Variants in PRLR observed in about 807,000 individuals in gnomAD.
PRLR encodes prolactin receptor, also known as hPRL receptor.
Under a neutral mutation model 40.2 loss-of-function variants are expected in PRLR, and 13 were observed. That is an observed-to-expected ratio of 0.32 (90% CI 0.21 to 0.51). PRLR has a LOEUF of 0.51. Among genes scored for constraint, PRLR ranks in the 20% least tolerant of loss-of-function variants. PRLR has a pLI of 0.97. For missense variants in PRLR, 656 were observed against 747.3 expected (o/e 0.88, Z 1.42); for synonymous variants, 269 against 278.7 (o/e 0.97, Z 0.35).
rs1426749352 is a variant in PRLR at position 35,068,289 on chromosome 5, T to C, written c.786-4A>G. The C allele has an allele frequency of 1.9e-6, 3 of 1,608,984 alleles. No homozygotes were observed. The African/African-American group carries it at 4.0e-5, about 22-fold the overall frequency. ...CGGAAAGATGCAGGTCACCATGCTA[T>C]AAAATAATTCATGAGATTGGCTAAA... On this transcript the variant is annotated splice_polypyrimidine_tract_variant and splice_region_variant and intron_variant, in intron 8 of 9. Coordinates refer to ENST00000618457, the MANE Select transcript of PRLR (RefSeq NM_000949.7).
At chr5:35,123,552 G>C (rs564013219) in intron 1 of PRLR, among the ~76,000 whole-genome samples, 1 of 152,274 alleles carries the variant, frequency 6.6e-6, no homozygotes, top group South Asian at 2.1e-4. Context: ...GCCTTTGCCT[G>C]GATGATGTTA....
At chr5:35,096,236 C>T (rs1262481229) in intron 2 of PRLR, among the ~76,000 whole-genome samples, 1 of 152,242 alleles carries the variant, frequency 6.6e-6, no homozygotes, top group Non-Finnish European at 1.5e-5. Context: ...GATGCTTCCC[C>T]ATGGCTGGAA....
intron 1 of PRLR, chr5:35,135,196 T>C (rs980552530): frequency 2.6e-5 from 4 of 151,968 alleles, no homozygotes; most frequent in Non-Finnish European, 5.9e-5. Context: ...AATTCTGTCC[T>C]AGGGAAATCA....
intron 1 of PRLR, among the ~76,000 whole-genome samples, chr5:35,182,500 T>C (rs1396188588): frequency 6.6e-6 from 1 of 152,216 alleles, no homozygotes; most frequent in East Asian, 1.9e-4. Context: ...TCTATGGTCT[T>C]GTATTTACTG....
Position 35,216,482 on chromosome 5 carries a change from G to C in PRLR, c.-106+13786C>G, listed in dbSNP as rs563404727. 6.6e-5 allele frequency among the ~76,000 whole-genome samples: 10 copies of C among 152,306 alleles called. 1 individual carries two copies. The East Asian group carries it at 1.9e-3, about 29-fold the overall frequency. On this transcript the variant is annotated intron_variant, in intron 1 of 9. Coordinates refer to ENST00000618457, the MANE Select transcript of PRLR (RefSeq NM_000949.7). ...AAGAAATTCTTCCTGAAACACAGTA[G>C]GATGACAGTGGAGAAGTGAAATAAG...
At chr5:35,107,532 T>C (rs1056323441) in intron 2 of PRLR, among the ~76,000 whole-genome samples, 16 of 151,962 alleles carry the variant, frequency 1.1e-4, no homozygotes, top group African/African-American at 3.6e-4. Context: ...CAATAAAAAA[T>C]GATAAAGGGA....
At chr5:35,187,915 C>T (rs1431182425) in intron 1 of PRLR, among the ~76,000 whole-genome samples, 4 of 152,270 alleles carry the variant, frequency 2.6e-5, no homozygotes, top group East Asian at 1.9e-4. Flanking sequence ...TGAGGTGAGT[C>T]GGTCAGCGGC....
intron 3 of PRLR, among the ~76,000 whole-genome samples, chr5:35,086,656 C>T (rs535130195): frequency 3.3e-5 from 5 of 151,846 alleles, no homozygotes; most frequent in African/African-American, 1.2e-4. Flanking sequence ...AAAGAATGAG[C>T]CTTGAATGCA....
intron 1 of PRLR, among the ~76,000 whole-genome samples, chr5:35,121,238 A>G (rs1052328904): frequency 6.6e-6 from 1 of 152,208 alleles, no homozygotes; most frequent in African/African-American, 2.4e-5. Context: ...AGTGTTTTAG[A>G]AGAATTTTCT....
chr5:35,198,349 C>T (rs774197988), intron 1 of PRLR, among the ~76,000 whole-genome samples: 4 of 152,232 alleles, frequency 2.6e-5, no homozygotes, highest in Non-Finnish European at 4.4e-5. Flanking sequence ...TAATAACATG[C>T]CCTTGACTCT....
rs1428170230 is a variant in PRLR, at chr5:35,064,293, G to A, written c.*796C>T. On this transcript the variant is annotated 3_prime_UTR_variant, in exon 10 of 10. Coordinates refer to ENST00000618457, the MANE Select transcript of PRLR (RefSeq NM_000949.7). ...TTTTCTTTTCAAGTTAGTCTTTAGGGAATTTTTTTTTAACTAAGGAAAGAC... is the reference window on the plus strand; with the variant it reads ...TTTTCTTTTCAAGTTAGTCTTTAGGAAATTTTTTTTTAACTAAGGAAAGAC... The A allele has an allele frequency of 2.6e-5, 4 of 152,198 alleles. No homozygotes were observed. The South Asian group carries it at 8.3e-4, about 32-fold the overall frequency. 9.4% of individuals were successfully genotyped at this position (152,198 alleles called of 1,614,324 possible). A position where few individuals can be genotyped will look rare whatever the true frequency, so the allele number is the denominator to read the frequency against.
chr5:35,094,141 A>G (rs549388930), intron 2 of PRLR, among the ~76,000 whole-genome samples: 1 of 152,346 alleles, frequency 6.6e-6, no homozygotes, highest in East Asian at 1.9e-4. Context: ...AACCACCAGT[A>G]GCACCCCAGA....
intron 1 of PRLR, among the ~76,000 whole-genome samples, chr5:35,215,234 A>G (rs1018178844): frequency 5.5e-4 from 84 of 152,224 alleles, no homozygotes; most frequent in African/African-American, 1.8e-3. Flanking sequence ...AAGGGCTGCC[A>G]ACCAGAAGCA....
chr5:35,049,299 G>A lies in PRLR; in HGVS notation c.1119C>T (p.Thr373=), dbSNP rs542615508. 2.9e-4 allele frequency: 207 copies of A among 703,298 alleles called. 4 individuals carry two copies. The highest frequency in any genetic ancestry group is 2.9e-3 in the South Asian group (197 of 67,578). The allele number at this position is 703,298 out of a possible 1,614,324, so 43.6% of individuals were successfully genotyped here. A position where few individuals can be genotyped will look rare whatever the true frequency, so the allele number is the denominator to read the frequency against. Residue 373 remains threonine, a synonymous_variant, in exon 9 of 9, where the codon ACC becomes ACT. Coordinates refer to the PRLR transcript ENST00000231423. The stretch of plus-strand genomic sequence containing the variant: ...ATGCTCTTCAGCTCTACTGGACTGT[G>A]GTCAATGTTGCCTTTGTGAACACCG...
At chr5:35,159,659 C>A (rs898350006) in intron 1 of PRLR, among the ~76,000 whole-genome samples, 2 of 152,192 alleles carry the variant, frequency 1.3e-5, no homozygotes, top group African/African-American at 4.8e-5. Context: ...TTTATAGAAA[C>A]CCAAGTAATT....
At chr5:35,188,822 T>C (rs1775517497) in intron 1 of PRLR, among the ~76,000 whole-genome samples, 1 of 152,214 alleles carries the variant, frequency 6.6e-6, no homozygotes, top group Non-Finnish European at 1.5e-5. Context: ...GAGAGCTTTC[T>C]GAATGTCAGA....
At chr5:35,066,956 G>C (rs1769417255) in intron 9 of PRLR, among the ~76,000 whole-genome samples, 1 of 151,876 alleles carries the variant, frequency 6.6e-6, no homozygotes, top group Non-Finnish European at 1.5e-5. Context: ...GTAGAGACAG[G>C]GTTTCACCAT....
In PRLR at chr5:35,061,822, GGTT is replaced by G. The variant is rs1388719121; in HGVS notation, c.*3264_*3266del. On this transcript the variant is annotated 3_prime_UTR_variant, in exon 10 of 10. Transcript: ENST00000618457. ...AGGATACATGAGCCAACTGTGCAAT[GGTT>G]GTTAACAATCTAGGATGGTGCAAGG... The G allele has an allele frequency of 3.3e-5, 5 of 152,160 alleles. No individual in the cohort carries two copies. The South Asian group carries it at 1.0e-3, about 32-fold the overall frequency. The allele number at this position is 152,160 out of a possible 1,614,324, so 9.4% of individuals were successfully genotyped here. A position where few individuals can be genotyped will look rare whatever the true frequency, so the allele number is the denominator to read the frequency against.
chr5:35,174,851 C>CTTGCTT (rs1775100140), intron 1 of PRLR, among the ~76,000 whole-genome samples: 2 of 152,186 alleles, frequency 1.3e-5, no homozygotes, highest in Non-Finnish European at 2.9e-5. Context: ...ACCACAAAGC[C>CTTGCTT]TGTGAGACTT....
Sources: allele counts gnomAD v4.1 joint callset (sites outside exome capture counted in the v4.1 genomes callset), GRCh38; gene constraint gnomAD v4.1.1; transcripts MANE v1.5; gene names NCBI Gene and HGNC (gene_info 2026-07-23, HGNC 2026-07-21).